SAMD12: variants seen among roughly 807,000 people sequenced by gnomAD.
SAMD12 encodes sterile alpha motif domain-containing protein 12.
A neutral mutation model predicts 15.0 loss-of-function variants in SAMD12; 9 were observed. The observed-to-expected ratio is 0.60, with a 90% CI of 0.36 to 1.05. The LOEUF is 1.05. SAMD12 is among the 50% of genes least tolerant of loss of function. The pLI is 0.01. For synonymous variants in SAMD12, 86 were observed against 90.1 expected (o/e 0.96, Z 0.25); for missense variants, 230 against 234.2 (o/e 0.98, Z 0.12).
chr8:118,327,746 T>A (rs1816631630), intron 4 of SAMD12, among the ~76,000 whole-genome samples: 1 of 151,976 alleles, frequency 6.6e-6, no homozygotes, highest in Non-Finnish European at 1.5e-5. Context: ...TCTTAAGGAG[T>A]ATTCAGGGTT....
At chr8:118,507,539 G>T (rs1824954650) in intron 2 of SAMD12, among the ~76,000 whole-genome samples, 1 of 152,066 alleles carries the variant, frequency 6.6e-6, no homozygotes, top group African/African-American at 2.4e-5. Context: ...TAGGTAATTT[G>T]TTCAAGATCT....
At chr8:118,248,585 G>A (rs1195107715) in intron 4 of SAMD12, among the ~76,000 whole-genome samples, 1 of 151,826 alleles carries the variant, frequency 6.6e-6, no homozygotes, top group Non-Finnish European at 1.5e-5. Flanking sequence ...TTAGCTCACT[G>A]TCTGTTTTGG....
At chr8:118,388,728 A>G (rs1820098666) in intron 3 of SAMD12, among the ~76,000 whole-genome samples, 1 of 152,136 alleles carries the variant, frequency 6.6e-6, no homozygotes, top group South Asian at 2.1e-4. Flanking sequence ...ATGGCCACTA[A>G]GAAGAAAGTT....
chr8:118,542,676 G>T (rs1826018953), intron 2 of SAMD12, among the ~76,000 whole-genome samples: 1 of 152,196 alleles, frequency 6.6e-6, no homozygotes. Flanking sequence ...AGATCCAAGT[G>T]AAAGTTAATT....
At chr8:118,230,304 C>T (rs1387378662) in intron 4 of SAMD12, among the ~76,000 whole-genome samples, 2 of 152,094 alleles carry the variant, frequency 1.3e-5, no homozygotes, top group African/African-American at 4.8e-5. Context: ...AGGTGTAGAG[C>T]TAATCAGATA....
intron 4 of SAMD12, among the ~76,000 whole-genome samples, chr8:118,258,471 G>A (rs193270715): frequency 6.6e-6 from 1 of 152,066 alleles, no homozygotes; most frequent in African/African-American, 2.4e-5. Context: ...TTATTTGAGT[G>A]CCTACTATGT....
chr8:118,151,021 T>C, the SAMD12 span, among the ~76,000 whole-genome samples: 2 of 152,010 alleles, frequency 1.3e-5, no homozygotes. Context: ...CTGTGCAACA[T>C]AGTGAGACCC....
At chr8:118,480,519 G>A (rs1824095639) in intron 2 of SAMD12, among the ~76,000 whole-genome samples, 1 of 152,170 alleles carries the variant, frequency 6.6e-6, no homozygotes, top group Non-Finnish European at 1.5e-5. Context: ...ACCCAGTAAT[G>A]CAAACAACAG....
chr8:118,531,963 T>C (rs557897674), intron 2 of SAMD12, among the ~76,000 whole-genome samples: 1 of 152,212 alleles, frequency 6.6e-6, no homozygotes, highest in Non-Finnish European at 1.5e-5. Context: ...TCCAACACTA[T>C]GTTGAATAGG....
chr8:118,451,748 A>C (rs893982702), intron 2 of SAMD12, among the ~76,000 whole-genome samples: 7 of 152,160 alleles, frequency 4.6e-5, no homozygotes, highest in African/African-American at 1.7e-4. Flanking sequence ...GAACTCTGGA[A>C]TCCATTACGG....
intron 4 of SAMD12, among the ~76,000 whole-genome samples, chr8:118,300,327 CT>C (rs1301615030): frequency 3.3e-5 from 5 of 152,108 alleles, no homozygotes; most frequent in Non-Finnish European, 7.3e-5. Context: ...TTTACCATTC[CT>C]AGTTTCTCCT....
chr8:118,517,006 C>G (rs534790156), intron 2 of SAMD12, among the ~76,000 whole-genome samples: 1 of 152,318 alleles, frequency 6.6e-6, no homozygotes. Context: ...GCTATTTCTA[C>G]AAGTTCCATA....
chr8:118,216,459 A>G (rs896988757), intron 4 of SAMD12, among the ~76,000 whole-genome samples: 1 of 151,914 alleles, frequency 6.6e-6, no homozygotes, highest in Non-Finnish European at 1.5e-5. Context: ...GAAGCTCTTT[A>G]GTTTAATTAG....
intron 3 of SAMD12, among the ~76,000 whole-genome samples, chr8:118,406,221 T>C (rs1224451058): frequency 6.6e-6 from 1 of 152,128 alleles, no homozygotes; most frequent in Admixed American, 6.5e-5. Context: ...CTTTTTTTTT[T>C]TAATGGTAGA....
intron 2 of SAMD12, among the ~76,000 whole-genome samples, chr8:118,469,834 A>G (rs1207396849): frequency 6.6e-6 from 1 of 151,738 alleles, no homozygotes; most frequent in African/African-American, 2.4e-5. Context: ...AAGTGCTGGG[A>G]CTACAGGCGT....
intron 4 of SAMD12, chr8:118,284,319 T>A (rs1180198208): frequency 4.4e-6 from 2 of 456,336 alleles, no homozygotes; most frequent in Admixed American, 4.7e-5. Flanking sequence ...GATGGCTTCA[T>A]AACTTCCCTT....
At chr8:118,464,784 G>T (rs1823540051) in intron 2 of SAMD12, among the ~76,000 whole-genome samples, 1 of 151,840 alleles carries the variant, frequency 6.6e-6, no homozygotes, top group South Asian at 2.1e-4. Context: ...CTAAAATTGG[G>T]GCTAATAATC....
At chr8:118,145,461 C>T in the SAMD12 span, among the ~76,000 whole-genome samples, 2 of 152,198 alleles carry the variant, frequency 1.3e-5, no homozygotes, top group African/African-American at 4.8e-5. Flanking sequence ...TCAATCCTTT[C>T]ATAGGTGTTT....
intron 4 of SAMD12, among the ~76,000 whole-genome samples, chr8:118,298,395 A>G (rs1162824841): frequency 3.3e-5 from 5 of 152,186 alleles, no homozygotes; most frequent in Non-Finnish European, 2.9e-5. Flanking sequence ...AACATGCACT[A>G]CCTATCAGTA....
Sources: allele counts gnomAD v4.1 joint callset (sites outside exome capture counted in the v4.1 genomes callset), GRCh38; gene constraint gnomAD v4.1.1; transcripts MANE v1.5; gene names NCBI Gene and HGNC (gene_info 2026-07-23, HGNC 2026-07-21).